The following SGCG variants were observed in gnomAD, a reference collection of about 807,000 sequenced individuals.
The protein encoded by SGCG is gamma-sarcoglycan.
Under a neutral mutation model 29.3 loss-of-function variants are expected in SGCG, and 26 were observed. The observed-to-expected ratio is 0.89, with a 90% confidence interval of 0.65 to 1.23. SGCG has a LOEUF of 1.23. Ranked by LOEUF, SGCG falls within the 50% of genes most tolerant of loss-of-function variation. The pLI is 0.00. For synonymous variants in SGCG, 145 were observed against 129.7 expected (o/e 1.12, Z -0.80); for missense variants, 353 against 356.0 (o/e 0.99, Z 0.07).
chr13:23,281,333 G>A (rs749494718), intron 5 of SGCG, among the ~76,000 whole-genome samples: 14 of 148,342 alleles, frequency 9.4e-5, no homozygotes, highest in East Asian at 4.1e-4. Flanking sequence ...GAGTGAGACC[G>A]TGTCTCAGTA....
At chr13:23,297,009 A>G (rs1378699997) in intron 6 of SGCG, among the ~76,000 whole-genome samples, 3 of 152,176 alleles carry the variant, frequency 2.0e-5, no homozygotes. Flanking sequence ...AATATATTTT[A>G]ATAAATTATG....
intron 7 of SGCG, 72 bp from the exon 8 acceptor site, chr13:23,324,296 T>G (rs2137533778): frequency 1.9e-3 from 2,663 of 1,390,896 alleles, no homozygotes; most frequent in Non-Finnish European, 2.5e-3. Context: ...GGAAATCTTG[T>G]GAGAATGGGG....
intron 6 of SGCG, among the ~76,000 whole-genome samples, chr13:23,296,872 C>G (rs988985358): frequency 1.3e-5 from 2 of 152,170 alleles, no homozygotes; most frequent in Non-Finnish European, 2.9e-5. Context: ...ACACCTATAA[C>G]TATTCATTCC....
rs565897431 is a variant in SGCG, at chr13:23,216,537, T to C, written c.195+12648T>C. 1.4e-3 allele frequency among the ~76,000 whole-genome samples: 215 copies of C among 152,278 alleles called. 1 individual carries two copies. The highest frequency in any genetic ancestry group is 4.9e-3 in the African/African-American group (205 of 41,578). ...ACTGTAAAAATTTATTAGTCTATTA[T>C]TTTGTTAACAGAATATGATATTTAA... is the stretch of plus-strand genomic sequence containing the variant. On this transcript the variant is annotated intron_variant, in intron 2 of 7. Coordinates refer to ENST00000218867, the MANE Select transcript of SGCG (RefSeq NM_000231.3).
At chr13:23,182,695 G>C (rs1302452852) in intron 1 of SGCG, among the ~76,000 whole-genome samples, 1 of 152,102 alleles carries the variant, frequency 6.6e-6, no homozygotes, top group African/African-American at 2.4e-5. Context: ...GAATGGTAAA[G>C]GTCTCAAGAC....
At chr13:23,292,755 G>A (rs4408397) in intron 5 of SGCG, among the ~76,000 whole-genome samples, 77,639 of 152,014 alleles carry the variant, frequency 0.51, 20,542 homozygotes, top group African/African-American at 0.58. Flanking sequence ...AGAAATCATT[G>A]TTTTTTGATG....
intron 1 of SGCG, among the ~76,000 whole-genome samples, chr13:23,194,646 C>T (rs749310697): frequency 2.6e-5 from 4 of 152,180 alleles, no homozygotes; most frequent in South Asian, 4.1e-4. Context: ...GGACAACTGA[C>T]ACTGGCTTGC....
At chr13:23,183,805 T>A (rs1876848156) in intron 1 of SGCG, among the ~76,000 whole-genome samples, 1 of 152,138 alleles carries the variant, frequency 6.6e-6, no homozygotes, top group Non-Finnish European at 1.5e-5. Flanking sequence ...GTAGCTGGGA[T>A]TACAGGCATA....
At chr13:23,314,403 T>TATATATATATATATATAC (rs1195801412) in intron 6 of SGCG, among the ~76,000 whole-genome samples, 1 of 132,920 alleles carries the variant, frequency 7.5e-6, no homozygotes, top group Non-Finnish European at 1.6e-5. Flanking sequence ...TATATATATA[T>TATATATATATATATATAC]ATATAATCTT....
chr13:23,240,486 C>A (rs1181722583), intron 3 of SGCG, among the ~76,000 whole-genome samples: 1 of 152,188 alleles, frequency 6.6e-6, no homozygotes, highest in African/African-American at 2.4e-5. Context: ...TTAAAATTTT[C>A]AGAGCATGCT....
At chr13:23,221,949 T>A (rs1189859493) in intron 2 of SGCG, among the ~76,000 whole-genome samples, 1 of 152,146 alleles carries the variant, frequency 6.6e-6, no homozygotes, top group Non-Finnish European at 1.5e-5. Context: ...GGAAATAACT[T>A]GTTCGATTAG....
At chr13:23,198,324 T>C (rs935490935) in intron 1 of SGCG, among the ~76,000 whole-genome samples, 1 of 152,234 alleles carries the variant, frequency 6.6e-6, no homozygotes, top group Non-Finnish European at 1.5e-5. Context: ...GAAGACACTA[T>C]GTTCGATTCA....
chr13:23,250,044 T>G (rs1200892027), intron 3 of SGCG, among the ~76,000 whole-genome samples: 1 of 152,224 alleles, frequency 6.6e-6, no homozygotes, highest in African/African-American at 2.4e-5. Flanking sequence ...TTCTTTCTGT[T>G]CTCTGATGTC....
chr13:23,174,996 T>A, the SGCG span, among the ~76,000 whole-genome samples: 2 of 152,130 alleles, frequency 1.3e-5, no homozygotes, highest in East Asian at 3.9e-4. Flanking sequence ...GCAGCAACAG[T>A]GCACTCAGTT....
chr13:23,245,481 G>C (rs1317679328), intron 3 of SGCG: 7 of 152,160 alleles, frequency 4.6e-5, no homozygotes, highest in Non-Finnish European at 7.3e-5. Context: ...AAGCCTAGGA[G>C]AGTGTCTCTA....
At chr13:23,192,247 A>C (rs1382439838) in intron 1 of SGCG, among the ~76,000 whole-genome samples, 1 of 152,034 alleles carries the variant, frequency 6.6e-6, no homozygotes, top group East Asian at 1.9e-4. Flanking sequence ...ACTATTACAG[A>C]AGTTAAAGGG....
At chr13:23,287,023 T>C (rs1881522805) in intron 5 of SGCG, among the ~76,000 whole-genome samples, 2 of 152,222 alleles carry the variant, frequency 1.3e-5, no homozygotes, top group Admixed American at 6.5e-5. Context: ...TAGTGAACAA[T>C]GTCCTATTGT....
intron 4 of SGCG, among the ~76,000 whole-genome samples, chr13:23,252,331 T>G (rs1879998357): frequency 1.3e-5 from 2 of 152,176 alleles, no homozygotes; most frequent in Non-Finnish European, 2.9e-5. Flanking sequence ...CAAGTAATAA[T>G]AATAAAGACT....
At chr13:23,225,759 G>A (rs1254268739) in intron 2 of SGCG, among the ~76,000 whole-genome samples, 3 of 138,446 alleles carry the variant, frequency 2.2e-5, no homozygotes, top group Admixed American at 7.2e-5. Context: ...CTGCTCCCAG[G>A]CCCTCTGAGA....
Sources: gnomAD v4.1 joint callset for allele counts (sites outside exome capture counted in the v4.1 genomes callset) on GRCh38, gnomAD v4.1.1 for gene constraint, MANE v1.5 for transcripts, NCBI Gene and HGNC (gene_info 2026-07-23, HGNC 2026-07-21) for gene names.